STYK1: variants seen among roughly 807,000 people sequenced by gnomAD.
The protein encoded by STYK1 is STY kinase 1, also known as tyrosine-protein kinase STYK1.
Under a neutral mutation model 48.1 loss-of-function variants are expected in STYK1, and 46 were observed. The observed-to-expected ratio is 0.96, with a 90% CI of 0.75 to 1.22. STYK1 has a LOEUF of 1.22. Among genes scored for constraint, STYK1 ranks in the 50% most tolerant of loss-of-function variants. The pLI is 0.00. For missense variants in STYK1, 527 were observed against 521.1 expected, an observed-to-expected ratio of 1.01 and a Z score of -0.11; for synonymous variants, 188 against 189.0, an observed-to-expected ratio of 0.99 and a Z score of 0.04.
Position 10,631,353 on chromosome 12 carries a change from G to T in STYK1, c.188-45C>A, listed in dbSNP as rs2120644958. 3.1e-6 allele frequency: 5 copies of T among 1,596,538 alleles called. 1 individual carries two copies. The African/African-American group carries it at 5.4e-5, about 17-fold the overall frequency. ...TCAACCAGTTTTTCCCCGCCCTGGG[G>T]ATCCCGGAAAGCAGACCCTGAAACA... On this transcript the variant is annotated intron_variant, in intron 4 of 10. Coordinates refer to ENST00000075503, the MANE Select transcript of STYK1 (RefSeq NM_018423.3).
Position 10,634,702 on chromosome 12 carries a change from T to A in STYK1, c.-68-16A>T. 6.7e-7 allele frequency: 1 copy of A among 1,499,448 alleles called. No homozygotes were observed. Among genetic ancestry groups the A allele is most frequent in the Non-Finnish European group, 9.1e-7 (1 of 1,095,690 alleles). 92.9% of individuals were successfully genotyped at this position (1,499,448 alleles called of 1,614,324 possible). A position where few individuals can be genotyped will look rare whatever the true frequency, so the allele number is the denominator to read the frequency against. On this transcript the variant is annotated splice_polypyrimidine_tract_variant and intron_variant, in intron 2 of 10. Coordinates refer to ENST00000075503, the MANE Select transcript of STYK1 (RefSeq NM_018423.3). ...TGAGTAATTCCTAAGGATTGAGTGG[T>A]TTTTGAAAAAAATAAAATGAATGAA... is the stretch of plus-strand genomic sequence containing the variant.
intron 9 of STYK1, 75 bp downstream of exon 9, chr12:10,622,563 A>T: frequency 6.4e-7 from 1 of 1,554,996 alleles, no homozygotes; most frequent in Non-Finnish European, 8.9e-7. Flanking sequence ...CAGAAAGCAT[A>T]CATCATCCAC....
chr12:10,653,812 T>G (rs932341810), intron 1 of STYK1, among the ~76,000 whole-genome samples: 3 of 152,206 alleles, frequency 2.0e-5, no homozygotes, highest in Admixed American at 6.5e-5. Context: ...AACGTGGCAC[T>G]GCATTAATGT....
chr12:10,630,085 G>C (rs1217329307), intron 5 of STYK1, among the ~76,000 whole-genome samples: 1 of 98,244 alleles, frequency 1.0e-5, no homozygotes, highest in Non-Finnish European at 2.2e-5. Flanking sequence ...GAGAGAGAGA[G>C]AGAGAGAAAT....
intron 1 of STYK1, among the ~76,000 whole-genome samples, chr12:10,658,200 A>G (rs1399953557): frequency 6.6e-6 from 1 of 152,214 alleles, no homozygotes; most frequent in African/African-American, 2.4e-5. Context: ...AAAAATTTGT[A>G]AAGAGTTTAA....
In STYK1 at chr12:10,631,085, G is replaced by A. The variant is rs1433846911; in HGVS notation, c.411C>T (p.Asp137=). Residue 137 remains aspartate, a synonymous_variant, in exon 5 of 11, where the codon GAC becomes GAT. Coordinates refer to ENST00000075503, the MANE Select transcript of STYK1 (RefSeq NM_018423.3). The part of the protein sequence containing the change: ...PIFRANMNTG[D]PSKPKSVILK... ...GAATAACACTCTTGGGCTTAGAAGG[G>A]TCCCCAGTGTTCATATTGGCTCGAA... The A allele has an allele frequency of 1.2e-6, 2 of 1,614,008 alleles. No homozygotes were observed. The highest frequency in any genetic ancestry group is 1.7e-6 in the Non-Finnish European group (2 of 1,180,038).
intron 1 of STYK1, among the ~76,000 whole-genome samples, chr12:10,648,092 A>G (rs1276878578): frequency 6.6e-6 from 1 of 152,230 alleles, no homozygotes. Flanking sequence ...AGCTTCAATC[A>G]AGGAAATGCT....
rs143247069 is a variant in STYK1 at position 10,632,925 on chromosome 12, C to T, written c.187+1065G>A. ...TTACTAAGATAGGCAAGACTATTTG[C>T]GGAGGACATTTATGAGAGAATTTCA... is the stretch of plus-strand genomic sequence containing the variant. On this transcript the variant is annotated intron_variant, in intron 4 of 10. Coordinates refer to ENST00000075503, the MANE Select transcript of STYK1 (RefSeq NM_018423.3). Among the ~76,000 whole-genome samples the T allele has an allele frequency of 7.3e-3, 1,103 of 152,106 alleles. 11 individuals carry two copies. The highest frequency in any genetic ancestry group is 0.025 in the African/African-American group (1,027 of 41,494).
chr12:10,624,660 C>G lies in STYK1; in HGVS notation c.917G>C (p.Arg306Thr). 1 of 1,614,010 alleles carries G rather than the reference C, an allele frequency of 6.2e-7. No homozygotes were observed. The highest frequency in any genetic ancestry group is 8.5e-7 in the Non-Finnish European group (1 of 1,179,980). ...ERLLLRPASIRADVWSFGILL... is the reference protein window; with the variant it reads ...ERLLLRPASITADVWSFGILL... Reference sequence around the variant, plus strand: ...CAGGAATAAACCGTACACATCTGCTCTGATGCTAGCAGGTCTCAGGAGAAG... The same window carrying G: ...CAGGAATAAACCGTACACATCTGCTGTGATGCTAGCAGGTCTCAGGAGAAG... The change falls in exon 8 of 11, where the codon AGA becomes ACA. Residue 306 changes from arginine (R) to threonine (T), a missense_variant. Physicochemically the swap from Arg to Thr is moderately conservative, Grantham distance 71. Coordinates refer to ENST00000075503, the MANE Select transcript of STYK1 (RefSeq NM_018423.3).
intron 1 of STYK1, among the ~76,000 whole-genome samples, chr12:10,664,233 C>A (rs1425060453): frequency 1.3e-5 from 2 of 152,132 alleles, no homozygotes; most frequent in Non-Finnish European, 2.9e-5. Flanking sequence ...TGACAGACCA[C>A]AAGGGATGAT....
chr12:10,662,461 C>G (rs1947787454), intron 1 of STYK1, among the ~76,000 whole-genome samples: 1 of 152,194 alleles, frequency 6.6e-6, no homozygotes, highest in South Asian at 2.1e-4. Flanking sequence ...GAGTGCATCA[C>G]TTTATACTCC....
chr12:10,639,444 G>A lies in STYK1; in HGVS notation c.-194-2248C>T, dbSNP rs182925319. Among the ~76,000 whole-genome samples the A allele has an allele frequency of 8.6e-3, 1,305 of 151,276 alleles. 15 individuals are homozygous for A. The highest frequency in any genetic ancestry group is 0.03 in the African/African-American group (1,233 of 41,154). On this transcript the variant is annotated intron_variant, in intron 1 of 10. Transcript: ENST00000075503. Reference sequence around the variant, plus strand: ...TTTTTTTTTTTTCTGATGGAGTCTCGCTGTTGTGGGCCCAGGCTGGAGTGC... The same window carrying A: ...TTTTTTTTTTTTCTGATGGAGTCTCACTGTTGTGGGCCCAGGCTGGAGTGC...
At position 10,634,072 on chromosome 12, in the gene STYK1, A is replaced by T; in HGVS notation, c.105T>A (p.Thr35=). 1 of 1,614,224 alleles carries T rather than the reference A, an allele frequency of 6.2e-7. No homozygotes were observed. The highest frequency in any genetic ancestry group is 8.5e-7 in the Non-Finnish European group (1 of 1,180,032). ...EVIIVPTLLV[T]IFLILLGVIL... is the part of the protein sequence containing the mutation. ...TGACCCCAAGAAGGATGAGGAAGAT[A>T]GTAACCAACAAAGTTGGGACGATAA... is the stretch of plus-strand genomic sequence containing the variant. The change falls in exon 4 of 11, where the codon ACT becomes ACA. Residue 35 remains threonine (T), a synonymous_variant. Transcript: ENST00000075503.
chr12:10,660,027 G>A (rs10772343), intron 1 of STYK1, among the ~76,000 whole-genome samples: 83,355 of 151,948 alleles, frequency 0.55, 23,579 homozygotes, highest in East Asian at 0.79. Flanking sequence ...GTAATATAAA[G>A]ATCTGGATCA....
chr12:10,638,473 C>G (rs1326548161), intron 1 of STYK1, among the ~76,000 whole-genome samples: 1 of 152,174 alleles, frequency 6.6e-6, no homozygotes, highest in Non-Finnish European at 1.5e-5. Flanking sequence ...AGACTATAGT[C>G]TGAAGACCAT....
At chr12:10,642,642 A>G (rs75054330) in intron 1 of STYK1, among the ~76,000 whole-genome samples, 430 of 152,348 alleles carry the variant, frequency 2.8e-3, no homozygotes, top group Non-Finnish European at 4.6e-3. Flanking sequence ...GCATGTAAGT[A>G]TACTCTATGC....
chr12:10,663,453 G>T (rs1947798940), intron 1 of STYK1, among the ~76,000 whole-genome samples: 1 of 151,816 alleles, frequency 6.6e-6, no homozygotes, highest in African/African-American at 2.4e-5. Context: ...CAAAAAATTA[G>T]CCAGGCGCGG....
intron 1 of STYK1, among the ~76,000 whole-genome samples, chr12:10,668,596 T>C (rs926460818): frequency 9.8e-5 from 13 of 132,820 alleles, no homozygotes; most frequent in Non-Finnish European, 1.7e-4. Context: ...GGTTTCACCA[T>C]GTTGGCAAAG....
At chr12:10,634,540 A>G in intron 3 of STYK1, 27 bp downstream of exon 3, 1 of 1,608,748 alleles carries the variant, frequency 6.2e-7, no homozygotes. Flanking sequence ...AAATCAGAGG[A>G]TAGACATCTG....
Sources: allele counts gnomAD v4.1 joint callset (sites outside exome capture counted in the v4.1 genomes callset), GRCh38; gene constraint gnomAD v4.1.1; transcripts MANE v1.5; gene names NCBI Gene and HGNC (gene_info 2026-07-23, HGNC 2026-07-21).